Variants in GLIS1 observed in about 807,000 individuals in gnomAD.
GLIS1 encodes the protein zinc finger protein GLIS1.
GLIS1 carries 24 observed loss-of-function variants against 63.8 expected under a neutral mutation model. The ratio of observed to expected loss-of-function variants is 0.38; its 90% confidence interval spans 0.27 to 0.53. The LOEUF is 0.53. Among genes scored for constraint, GLIS1 ranks in the 20% least tolerant of loss-of-function variants. GLIS1 has a pLI of 0.85. For synonymous variants in GLIS1, 450 were observed against 482.5 expected (o/e 0.93, Z 0.88); for missense variants, 1,036 against 1,074.1 (o/e 0.96, Z 0.50).
In GLIS1 at chr1:53,738,110, G is replaced by A. The variant is rs1646931361; in HGVS notation, c.-42-4C>T. On this transcript the variant is annotated splice_polypyrimidine_tract_variant and splice_region_variant and intron_variant, in intron 1 of 10. Transcript: ENST00000628545. ...GGCTGGGGGTCGCGCCGGGCTCCTG[G>A]GGAGGGGAGACAGCACAGCCAGTTA... is the stretch of plus-strand genomic sequence containing the variant. The A allele has an allele frequency of 8.2e-7, 1 of 1,223,598 alleles. No individual in the cohort carries two copies. The highest frequency in any genetic ancestry group is 1.0e-6 in the Non-Finnish European group (1 of 981,280). The allele number at this position is 1,223,598 out of a possible 1,614,324, so 75.8% of individuals were successfully genotyped here.
In GLIS1 at chr1:53,600,004, C is replaced by T. The variant is rs185989178; in HGVS notation, c.437+97G>A. ...CGGGCCCCTCGTGCCTCCATTTCCC[C>T]ATGTGTCCCCCCAGCTAAAAAGAGG... is the stretch of plus-strand genomic sequence containing the variant. On this transcript the variant is annotated intron_variant, in intron 3 of 10. Transcript: ENST00000628545. 2.9e-3 allele frequency: 1,943 copies of T among 665,002 alleles called. 3 individuals are homozygous for T. Among genetic ancestry groups the T allele is most frequent in the Non-Finnish European group, 3.1e-3 (1,449 of 467,732 alleles). 41.2% of individuals were successfully genotyped at this position (665,002 alleles called of 1,614,324 possible).
intron 4 of GLIS1, among the ~76,000 whole-genome samples, chr1:53,570,135 G>A (rs1213202245): frequency 6.6e-6 from 1 of 151,528 alleles, no homozygotes; most frequent in Non-Finnish European, 1.5e-5. Flanking sequence ...TATTTGAGTT[G>A]AGATCTTACT....
intron 2 of GLIS1, among the ~76,000 whole-genome samples, chr1:53,632,879 TGA>T (rs1410622714): frequency 6.9e-6 from 1 of 145,946 alleles, no homozygotes; most frequent in East Asian, 2.1e-4. Flanking sequence ...TGTATGAGTG[TGA>T]CTGAGGGGCG....
intron 4 of GLIS1, among the ~76,000 whole-genome samples, chr1:53,586,261 G>A (rs770817665): frequency 3.3e-5 from 5 of 150,914 alleles, no homozygotes; most frequent in Admixed American, 6.6e-5. Flanking sequence ...TCGGGCTCAA[G>A]AGAAGAAAGG....
rs1309463323 is a variant in GLIS1 at position 53,511,351 on chromosome 1, G to A, written c.1884-1324C>T. ...ATCAGTGCCTCTCTGAAGGAAGCAG[G>A]GCTATCTGGAAATGGGGAAAGCAGA... On this transcript the variant is annotated intron_variant, in intron 8 of 10. Coordinates refer to ENST00000628545, the MANE Select transcript of GLIS1 (RefSeq NM_001367484.1). The surrounding 1 kb of genome is among the most constrained non-coding windows in gnomAD (Gnocchi z 4.2). 6.6e-6 allele frequency among the ~76,000 whole-genome samples: 1 copy of A among 152,212 alleles called. No individual in the cohort carries two copies. Among genetic ancestry groups the A allele is most frequent in the Non-Finnish European group, 1.5e-5 (1 of 68,040 alleles).
At chr1:53,538,209 TG>T (rs1464212055) in intron 4 of GLIS1, among the ~76,000 whole-genome samples, 3 of 152,120 alleles carry the variant, frequency 2.0e-5, no homozygotes, top group African/African-American at 4.8e-5. Context: ...AGGAGGGTCC[TG>T]GGGGTGAGGC....
intron 2 of GLIS1, among the ~76,000 whole-genome samples, chr1:53,693,928 G>A (rs1646436602): frequency 6.6e-6 from 1 of 152,256 alleles, no homozygotes; most frequent in South Asian, 2.1e-4. Flanking sequence ...TGAGGAGGCT[G>A]TGTCATCACC....
chr1:53,524,900 G>GT lies in GLIS1; in HGVS notation c.1483-14_1483-13insA. The GT allele has an allele frequency of 6.3e-7, 1 of 1,593,780 alleles. No homozygotes were observed. The highest frequency in any genetic ancestry group is 8.6e-7 in the Non-Finnish European group (1 of 1,162,768). ...AGGCGTACGGCTTCTGTAACATGGG[G>GT]GGCACGGGTGGGGTGAGTGAGGCCC... On this transcript the variant is annotated splice_polypyrimidine_tract_variant and intron_variant, in intron 5 of 10. Coordinates refer to ENST00000628545, the MANE Select transcript of GLIS1 (RefSeq NM_001367484.1).
At position 53,600,087 on chromosome 1, in the gene GLIS1, C is replaced by G; in HGVS notation, c.437+14G>C. 8.2e-7 allele frequency: 1 copy of G among 1,223,492 alleles called. No individual in the cohort carries two copies. Among genetic ancestry groups the G allele is most frequent in the Non-Finnish European group, 1.0e-6 (1 of 979,958 alleles). The allele number at this position is 1,223,492 out of a possible 1,614,324, so 75.8% of individuals were successfully genotyped here. On this transcript the variant is annotated intron_variant, in intron 3 of 10. Coordinates refer to ENST00000628545, the MANE Select transcript of GLIS1 (RefSeq NM_001367484.1). ...TCCTGGGAGTGTCCACAGAAAGCAGCTGCCCACACCTACCTGTCAGGGTGG... is the reference window on the plus strand; with the variant it reads ...TCCTGGGAGTGTCCACAGAAAGCAGGTGCCCACACCTACCTGTCAGGGTGG...
chr1:53,704,226 T>A (rs959466279), intron 2 of GLIS1, among the ~76,000 whole-genome samples: 3 of 152,238 alleles, frequency 2.0e-5, no homozygotes, highest in Admixed American at 6.5e-5. Context: ...AGGACCACCG[T>A]GTCAAACAGC....
Position 53,598,207 on chromosome 1 carries a change from G to GCCTTATAA in GLIS1, c.437+1893_437+1894insTTATAAGG. Among the ~76,000 whole-genome samples the GCCTTATAA allele has an allele frequency of 6.6e-6, 1 of 152,210 alleles. No individual in the cohort carries two copies. The highest frequency in any genetic ancestry group is 6.5e-5 in the Admixed American group (1 of 15,272). Reference sequence around the variant, plus strand: ...AAATAAATAATTAAGGCTAAACAAGGTTATAAGGTTGAGGGCCTACTCTGA... The same window carrying GCCTTATAA: ...AAATAAATAATTAAGGCTAAACAAGGCCTTATAATTATAAGGTTGAGGGCCTACTCTGA... On this transcript the variant is annotated intron_variant, in intron 3 of 10. Transcript: ENST00000628545. This position sits in a 1 kb window ranked among gnomAD's most constrained non-coding sequence, Gnocchi z 4.6.
chr1:53,513,044 C>A (rs1448784415), intron 8 of GLIS1, among the ~76,000 whole-genome samples: 1 of 152,140 alleles, frequency 6.6e-6, no homozygotes, highest in East Asian at 1.9e-4. Flanking sequence ...GCCCGGTTTT[C>A]TGGGTCCCCC....
intron 7 of GLIS1, 117 bp from the exon 8 acceptor site, chr1:53,514,898 C>G: frequency 1.6e-6 from 2 of 1,261,404 alleles, no homozygotes; most frequent in East Asian, 2.7e-5. Flanking sequence ...GGAAAATGAA[C>G]AACGTTGTAT....
intron 4 of GLIS1, among the ~76,000 whole-genome samples, chr1:53,532,818 GTA>G (rs1201281811): frequency 2.6e-5 from 4 of 152,236 alleles, no homozygotes; most frequent in Non-Finnish European, 5.9e-5. Context: ...CGAGGTCTGT[GTA>G]TTCCTGCCTT....
intron 2 of GLIS1, among the ~76,000 whole-genome samples, chr1:53,732,234 A>G (rs552544107): frequency 5.3e-5 from 8 of 152,292 alleles, no homozygotes; most frequent in East Asian, 3.9e-4. Context: ...TTTAAGGGGG[A>G]AAAAGGGCAA....
At chr1:53,602,701 T>G (rs1645330476) in intron 2 of GLIS1, among the ~76,000 whole-genome samples, 1 of 152,136 alleles carries the variant, frequency 6.6e-6, no homozygotes, top group Non-Finnish European at 1.5e-5. Flanking sequence ...TGGAGAGAGA[T>G]TCTGTGCCTT....
chr1:53,660,144 C>T (rs548001699), intron 2 of GLIS1, among the ~76,000 whole-genome samples: 16 of 152,324 alleles, frequency 1.1e-4, no homozygotes, highest in African/African-American at 3.6e-4. Flanking sequence ...CTTTTCCAGA[C>T]ACCTCAATGG....
At position 53,725,355 on chromosome 1, in the gene GLIS1, G is replaced by C. The variant is rs1343792870; in HGVS notation, c.259+12451C>G. On this transcript the variant is annotated intron_variant, in intron 2 of 10. Coordinates refer to ENST00000628545, the MANE Select transcript of GLIS1 (RefSeq NM_001367484.1). ...AGTTCCCAATTGTTAGCCACCTAGA[G>C]AGCCCTTTTCCACCCTACCTCACTG... is the stretch of plus-strand genomic sequence containing the variant. 3.9e-5 allele frequency among the ~76,000 whole-genome samples: 6 copies of C among 152,310 alleles called. No individual in the cohort carries two copies. The East Asian group carries it at 9.7e-4, about 25-fold the overall frequency.
intron 10 of GLIS1, 21 bp from the exon 11 acceptor site, chr1:53,506,797 G>A: frequency 6.2e-7 from 1 of 1,602,596 alleles, no homozygotes; most frequent in Non-Finnish European, 8.5e-7. Flanking sequence ...TTGGGAAAGG[G>A]TCAGCGCTGG....
Sources: gnomAD v4.1 joint callset for allele counts (sites outside exome capture counted in the v4.1 genomes callset) on GRCh38, gnomAD v4.1.1 for gene constraint, Gnocchi (gnomAD v3.1) non-coding constraint, MANE v1.5 for transcripts, NCBI Gene and HGNC (gene_info 2026-07-23, HGNC 2026-07-21) for gene names.